ATP5PO: variants seen among roughly 807,000 people sequenced by gnomAD.
ATP5PO encodes the protein ATP synthase peripheral stalk subunit OSCP.
In ATP5PO, 14 loss-of-function variants were observed where a neutral mutation model predicts 26.2. That is an observed-to-expected ratio of 0.53 (90% confidence interval 0.35 to 0.83). ATP5PO has a LOEUF of 0.83. ATP5PO is among the 40% of genes least tolerant of loss of function. The probability of loss-of-function intolerance (pLI) is 0.01; values close to 1 mark genes in which losing one functional copy is unlikely to be tolerated. For synonymous variants in ATP5PO, 106 were observed against 95.1 expected (o/e 1.12, Z -0.67); for missense variants, 241 against 258.5 (o/e 0.93, Z 0.46).
chr21:33,907,472 C>T lies in ATP5PO; in HGVS notation c.329-19G>A, dbSNP rs1181529971. ...AGCAAATCTGCCAGAGTGAAGGTGT[C>T]TCAGTAACAAGAAACTCACCTGAAC... On this transcript the variant is annotated intron_variant, in intron 4 of 6. Coordinates refer to ENST00000290299, the MANE Select transcript of ATP5PO (RefSeq NM_001697.3). 3 of 1,596,104 alleles carry T rather than the reference C, an allele frequency of 1.9e-6. No individual in the cohort carries two copies. The highest frequency in any genetic ancestry group is 2.7e-5 in the African/African-American group (2 of 74,548).
chr21:33,908,984 A>G lies in ATP5PO; in HGVS notation c.328+98T>C, dbSNP rs574990899. 16 of 1,356,372 alleles carry G rather than the reference A, an allele frequency of 1.2e-5. No individual in the cohort carries two copies. The African/African-American group carries it at 1.6e-4, about 14-fold the overall frequency. 84.0% of individuals were successfully genotyped at this position (1,356,372 alleles called of 1,614,324 possible). A position where few individuals can be genotyped will look rare whatever the true frequency, so the allele number is the denominator to read the frequency against. On this transcript the variant is annotated intron_variant, in intron 4 of 6. Transcript: ENST00000290299. ...TGAGGCCTGAGATTCTTCACTGCCAACAGGCTCCCAGGTGATGCTGATGCC... is the reference window on the plus strand; with the variant it reads ...TGAGGCCTGAGATTCTTCACTGCCAGCAGGCTCCCAGGTGATGCTGATGCC...
At position 33,903,548 on chromosome 21, in the gene ATP5PO, C is replaced by T. The variant is rs1987129077; in HGVS notation, c.620G>A (p.Arg207Lys). The T allele has an allele frequency of 6.2e-7, 1 of 1,613,968 alleles. No homozygotes were observed. Among genetic ancestry groups the T allele is most frequent in the Admixed American group, 1.7e-5 (1 of 59,992 alleles). ...CTTTTAGACAATCTCCCGCATAGCC[C>T]TGCCCAGCTTCTGAATCTTGGTCTT... is the stretch of plus-strand genomic sequence containing the variant. ...SVKTKIQKLG[R>K]AMREIV The change falls in exon 7 of 7, where the codon AGG (arginine) becomes AAG (lysine). Residue 207 changes from arginine to lysine, a missense_variant. Physicochemically the swap from Arg to Lys is conservative, Grantham distance 26. This residue lies in a region of ATP5PO where 77 missense variants were observed against 74.5 expected (regional missense o/e 1.03). Coordinates refer to ENST00000290299, the MANE Select transcript of ATP5PO (RefSeq NM_001697.3).
Position 33,903,509 on chromosome 21 carries a change from G to A in ATP5PO, c.*17C>T. 6.3e-7 allele frequency: 1 copy of A among 1,597,200 alleles called. No homozygotes were observed. Among genetic ancestry groups the A allele is most frequent in the East Asian group, 2.2e-5 (1 of 44,682 alleles). ...CCAAGTTTAAGAATTTTCACTGATG[G>A]CAGAAAACCAACACTTTTAGACAAT... On this transcript the variant is annotated 3_prime_UTR_variant, in exon 7 of 7. Coordinates refer to ENST00000290299, the MANE Select transcript of ATP5PO (RefSeq NM_001697.3).
intron 2 of ATP5PO, among the ~76,000 whole-genome samples, chr21:33,913,623 G>A (rs1569367919): frequency 6.6e-6 from 1 of 152,128 alleles, no homozygotes; most frequent in Non-Finnish European, 1.5e-5. Flanking sequence ...CTTTATCCGG[G>A]GTCAACTGGA....
intron 3 of ATP5PO, among the ~76,000 whole-genome samples, chr21:33,911,804 C>T (rs1229372306): frequency 1.3e-5 from 2 of 151,126 alleles, no homozygotes; most frequent in African/African-American, 4.9e-5. Flanking sequence ...GCTGGGATTA[C>T]AGGTGTTCAC....
intron 5 of ATP5PO, among the ~76,000 whole-genome samples, chr21:33,906,281 CCT>C (rs992684828): frequency 9.2e-5 from 14 of 152,152 alleles, no homozygotes; most frequent in African/African-American, 1.4e-4. Flanking sequence ...ACCACACTCC[CCT>C]GTTTTCCTGT....
intron 1 of ATP5PO, 86 bp from the exon 2 acceptor site, chr21:33,914,586 T>C: frequency 8.1e-7 from 1 of 1,237,394 alleles, no homozygotes; most frequent in African/African-American, 1.5e-5. Context: ...AAATTTTAAA[T>C]AACCTTAAAA....
rs372840826 is a variant in ATP5PO at position 33,915,775 on chromosome 21, C to A, written c.-12G>T. 361 of 1,566,432 alleles carry A rather than the reference C, an allele frequency of 2.3e-4. No individual in the cohort carries two copies. In the African/African-American group the frequency reaches 4.4e-3, roughly 19 times the overall value. ...GCTGGGGCAGCCATCTTCTCCCGGGCGGCTGTAGGTCAAACCCGAGTGGGA... is the reference window on the plus strand; with the variant it reads ...GCTGGGGCAGCCATCTTCTCCCGGGAGGCTGTAGGTCAAACCCGAGTGGGA... On this transcript the variant is annotated 5_prime_UTR_variant, in exon 1 of 7. Transcript: ENST00000290299.
intron 5 of ATP5PO, among the ~76,000 whole-genome samples, chr21:33,904,405 C>T (rs1229165804): frequency 6.6e-6 from 1 of 152,192 alleles, no homozygotes; most frequent in African/African-American, 2.4e-5. Flanking sequence ...CTGGGTGCAG[C>T]CCTGGGGACA....
At chr21:33,907,281 C>T in intron 5 of ATP5PO, 60 bp downstream of exon 5, 1 of 1,428,074 alleles carries the variant, frequency 7.0e-7, no homozygotes, top group Admixed American at 1.9e-5. Context: ...CCTTTTCTTC[C>T]TGCAAAAGGT....
chr21:33,908,766 G>C, intron 4 of ATP5PO: 1 of 233,394 alleles, frequency 4.3e-6, no homozygotes, highest in Non-Finnish European at 8.3e-6. Context: ...AAGGATCAAG[G>C]TATAGCCACA....
At chr21:33,910,526 G>A (rs1272612156) in intron 3 of ATP5PO, among the ~76,000 whole-genome samples, 4 of 151,934 alleles carry the variant, frequency 2.6e-5, no homozygotes, top group African/African-American at 9.7e-5. Flanking sequence ...TCCATGTCTC[G>A]ACTGACTTCC....
chr21:33,905,291 T>C (rs1987155289), intron 5 of ATP5PO, among the ~76,000 whole-genome samples: 1 of 152,038 alleles, frequency 6.6e-6, no homozygotes, highest in Admixed American at 6.6e-5. Context: ...CAGGTACCTG[T>C]CTATGCCAGG....
At chr21:33,913,196 A>G (rs1270290667) in intron 2 of ATP5PO, among the ~76,000 whole-genome samples, 1 of 152,244 alleles carries the variant, frequency 6.6e-6, no homozygotes, top group African/African-American at 2.4e-5. Context: ...CACATGAAGG[A>G]CGAAATGATT....
At chr21:33,911,576 A>G (rs1427653410) in intron 3 of ATP5PO, among the ~76,000 whole-genome samples, 1 of 152,208 alleles carries the variant, frequency 6.6e-6, no homozygotes, top group African/African-American at 2.4e-5. Flanking sequence ...TATGGCAATT[A>G]AAACCTGAGG....
At chr21:33,908,042 C>T (rs551900768) in intron 4 of ATP5PO, among the ~76,000 whole-genome samples, 6 of 150,846 alleles carry the variant, frequency 4.0e-5, no homozygotes, top group East Asian at 2.0e-4. Flanking sequence ...GTGGCGCATG[C>T]GCGCAGTTCC....
At position 33,907,097 on chromosome 21, in the gene ATP5PO, G is replaced by A. The variant is rs530953996; in HGVS notation, c.441+244C>T. The A allele has an allele frequency of 4.0e-5, 20 of 494,576 alleles. 1 individual carries two copies. Among genetic ancestry groups the A allele is most frequent in the African/African-American group, 3.1e-4 (16 of 51,832 alleles). 30.6% of individuals were successfully genotyped at this position (494,576 alleles called of 1,614,324 possible). A position where few individuals can be genotyped will look rare whatever the true frequency, so the allele number is the denominator to read the frequency against. On this transcript the variant is annotated intron_variant, in intron 5 of 6. Transcript: ENST00000290299. ...AAACCACTCTTTTCCAACACATTTT[G>A]ATGTACTTTACATTTAACCCAGGCC...
intron 1 of ATP5PO, 78 bp from the exon 2 acceptor site, chr21:33,914,578 AT>A (rs1244933487): frequency 2.2e-6 from 3 of 1,340,046 alleles, no homozygotes. Flanking sequence ...ACAACAAAAA[AT>A]TTTAAATAAC....
rs763466083 is a variant in ATP5PO at position 33,909,120 on chromosome 21, G to C, written c.290C>G (p.Ala97Gly). Residue 97 changes from alanine (A) to glycine (G), a missense_variant, in exon 4 of 7, where the codon GCA (alanine) becomes GGA (glycine). This residue lies in a region of ATP5PO where 39 missense variants were observed against 75.5 expected (regional missense o/e 0.52). Coordinates refer to ENST00000290299, the MANE Select transcript of ATP5PO (RefSeq NM_001697.3). ...AGTGAGGGGAGAGAACCTCTCTTTT[G>C]CTGTGATGTCATTTAGGCTTTTCAC... ...IKVKSLNDIT[A>G]KERFSPLTTN... 6.2e-7 allele frequency: 1 copy of C among 1,612,766 alleles called. No individual in the cohort carries two copies. The highest frequency in any genetic ancestry group is 1.7e-5 in the Admixed American group (1 of 60,014).
Sources: gnomAD v4.1 joint callset for allele counts (sites outside exome capture counted in the v4.1 genomes callset) on GRCh38, gnomAD v4.1.1 for gene constraint, gnomAD v4.1.1 regional missense constraint, MANE v1.5 for transcripts, NCBI Gene and HGNC (gene_info 2026-07-23, HGNC 2026-07-21) for gene names.